The following PLN variants were observed in gnomAD, a reference collection of about 807,000 sequenced individuals.
PLN encodes the protein cardiac phospholamban.
Under a neutral mutation model 3.9 loss-of-function variants are expected in PLN, and 1 was observed. The ratio of observed to expected loss-of-function variants is 0.26; its 90% CI spans 0.09 to 1.23. The LOEUF is 1.23. PLN is among the 50% of genes most tolerant of loss of function. The pLI, the probability that PLN is intolerant of heterozygous loss-of-function variation, is 0.48. For synonymous variants in PLN, 21 were observed against 20.5 expected, an observed-to-expected ratio of 1.02 and a Z score of -0.07; for missense variants, 59 against 62.7, an observed-to-expected ratio of 0.94 and a Z score of 0.20.
At chr6:118,552,110 CTA>C (rs1027551607) in intron 1 of PLN, among the ~76,000 whole-genome samples, 1 of 151,882 alleles carries the variant, frequency 6.6e-6, no homozygotes, top group Non-Finnish European at 1.5e-5. Flanking sequence ...AAAAAACATC[CTA>C]GAGTATATCA....
At chr6:118,548,976 AAGTCC>A (rs1255839665) in intron 1 of PLN, among the ~76,000 whole-genome samples, 1 of 152,028 alleles carries the variant, frequency 6.6e-6, no homozygotes, top group African/African-American at 2.4e-5. Flanking sequence ...TTCCCCTCTA[AAGTCC>A]AGTCAACTTT....
chr6:118,548,771 T>C (rs1396804440), intron 1 of PLN, among the ~76,000 whole-genome samples: 1 of 152,058 alleles, frequency 6.6e-6, no homozygotes, highest in Admixed American at 6.6e-5. Flanking sequence ...CTTAATTTTG[T>C]TATTTATTGC....
rs879892130 is a variant in PLN, at chr6:118,558,652, CACACACACAGAG to C, written c.-97-171_-97-160del. Among the ~76,000 whole-genome samples the C allele has an allele frequency of 6.8e-3, 904 of 132,940 alleles. 3 individuals are homozygous for C. The highest frequency in any genetic ancestry group is 0.011 in the Non-Finnish European group (681 of 63,412). The allele number at this position is 132,940 out of a possible 152,430, so 87.2% of individuals were successfully genotyped here. A position where few individuals can be genotyped will look rare whatever the true frequency, so the allele number is the denominator to read the frequency against. ...ACACACACACACACACACACACACA[CACACACACAGAG>C]AGAGAGAGAGAGAGAGAGAGAGAGG... On this transcript the variant is annotated intron_variant, in intron 1 of 1. Coordinates refer to ENST00000357525, the MANE Select transcript of PLN (RefSeq NM_002667.5).
intron 1 of PLN, among the ~76,000 whole-genome samples, chr6:118,549,718 C>T (rs996716230): frequency 1.1e-4 from 17 of 151,796 alleles, no homozygotes; most frequent in African/African-American, 3.9e-4. Flanking sequence ...GTTATTTGTG[C>T]ATTTTTATTC....
At chr6:118,557,352 A>G (rs1778937540) in intron 1 of PLN, among the ~76,000 whole-genome samples, 1 of 152,224 alleles carries the variant, frequency 6.6e-6, no homozygotes, top group Non-Finnish European at 1.5e-5. Context: ...TAAAGAAACT[A>G]TATGTTAGAA....
intron 1 of PLN, among the ~76,000 whole-genome samples, chr6:118,550,725 GACAA>G (rs1562251734): frequency 6.6e-6 from 1 of 151,760 alleles, no homozygotes; most frequent in Non-Finnish European, 1.5e-5. Context: ...CCATGACACT[GACAA>G]ACAAAATTTG....
intron 1 of PLN, among the ~76,000 whole-genome samples, chr6:118,552,183 T>C (rs894702053): frequency 6.6e-6 from 1 of 151,994 alleles, no homozygotes; most frequent in Non-Finnish European, 1.5e-5. Flanking sequence ...AGTACTCCCA[T>C]GTTTACTAAA....
At chr6:118,556,672 A>G (rs1298158598) in intron 1 of PLN, among the ~76,000 whole-genome samples, 3 of 152,148 alleles carry the variant, frequency 2.0e-5, no homozygotes, top group Admixed American at 1.3e-4. Context: ...ATAAAATCTG[A>G]CACCTGGGGT....
chr6:118,558,654 C>G lies in PLN; in HGVS notation c.-97-171C>G, dbSNP rs79363640. Among the ~76,000 whole-genome samples, 1,142 of 131,172 alleles carry G rather than the reference C, an allele frequency of 8.7e-3. 11 individuals are homozygous for G. The highest frequency in any genetic ancestry group is 0.029 in the East Asian group (146 of 4,986). 86.1% of individuals were successfully genotyped at this position (131,172 alleles called of 152,430 possible). ...ACACACACACACACACACACACACACACACACAGAGAGAGAGAGAGAGAGA... is the reference window on the plus strand; with the variant it reads ...ACACACACACACACACACACACACAGACACACAGAGAGAGAGAGAGAGAGA... On this transcript the variant is annotated intron_variant, in intron 1 of 1. Transcript: ENST00000357525.
chr6:118,555,883 T>C (rs1778838663), intron 1 of PLN, among the ~76,000 whole-genome samples: 1 of 152,130 alleles, frequency 6.6e-6, no homozygotes, highest in Non-Finnish European at 1.5e-5. Context: ...CTCCCACCTG[T>C]AAGTGAGAAC....
chr6:118,555,034 C>T (rs1263617926), intron 1 of PLN, among the ~76,000 whole-genome samples: 1 of 152,140 alleles, frequency 6.6e-6, no homozygotes, highest in African/African-American at 2.4e-5. Context: ...CCTTTTAAGA[C>T]CACTTAAGCC....
At chr6:118,556,025 C>T (rs918132607) in intron 1 of PLN, among the ~76,000 whole-genome samples, 2 of 152,098 alleles carry the variant, frequency 1.3e-5, no homozygotes, top group African/African-American at 4.8e-5. Context: ...TGTATATGTA[C>T]CACATTTTCT....
chr6:118,555,169 C>T (rs1778778250), intron 1 of PLN, among the ~76,000 whole-genome samples: 1 of 152,166 alleles, frequency 6.6e-6, no homozygotes, highest in African/African-American at 2.4e-5. Flanking sequence ...CAGTGGCTCA[C>T]GCCTGCAATC....
At chr6:118,556,982 A>G (rs576399720) in intron 1 of PLN, among the ~76,000 whole-genome samples, 1 of 152,336 alleles carries the variant, frequency 6.6e-6, no homozygotes, top group East Asian at 1.9e-4. Context: ...GATCTCTGAA[A>G]GAAGGCATGA....
At chr6:118,558,648 CACACACACACACAGAG>C (rs1177749716) in intron 1 of PLN, among the ~76,000 whole-genome samples, 161 bp from the exon 2 acceptor site, 16 of 137,158 alleles carry the variant, frequency 1.2e-4, no homozygotes, top group Admixed American at 4.9e-4. Context: ...CACACACACA[CACACACACACACAGAG>C]AGAGAGAGAG....
chr6:118,554,828 T>C lies in PLN; in HGVS notation c.-97-3997T>C, dbSNP rs192010146. ...GTGGAGAACACATTCCAGGCAGAGA[T>C]AGAACAACATGTGCAAAGAACAAAA... On this transcript the variant is annotated intron_variant, in intron 1 of 1. Transcript: ENST00000357525. 6.6e-4 allele frequency among the ~76,000 whole-genome samples: 100 copies of C among 152,230 alleles called. 1 individual carries two copies. Among genetic ancestry groups the C allele is most frequent in the African/African-American group, 2.2e-3 (91 of 41,550 alleles).
chr6:118,554,786 T>G (rs549629510), intron 1 of PLN, among the ~76,000 whole-genome samples: 1 of 152,316 alleles, frequency 6.6e-6, no homozygotes, highest in South Asian at 2.1e-4. Flanking sequence ...GAAGCTTGCA[T>G]GGCAGACAAT....
At chr6:118,549,607 T>C (rs1372454011) in intron 1 of PLN, among the ~76,000 whole-genome samples, 4 of 151,818 alleles carry the variant, frequency 2.6e-5, no homozygotes, top group Non-Finnish European at 5.9e-5. Flanking sequence ...AAAAACATAA[T>C]TTTTGTCTAC....
intron 1 of PLN, among the ~76,000 whole-genome samples, chr6:118,552,806 A>C (rs1307998598): frequency 6.6e-6 from 1 of 152,098 alleles, no homozygotes; most frequent in African/African-American, 2.4e-5. Context: ...ATCCACAGAC[A>C]TAAGATACTC....
Sources: allele counts gnomAD v4.1 joint callset (sites outside exome capture counted in the v4.1 genomes callset), GRCh38; gene constraint gnomAD v4.1.1; transcripts MANE v1.5; gene names NCBI Gene and HGNC (gene_info 2026-07-23, HGNC 2026-07-21).